Variants in VPS41 observed in about 807,000 individuals in gnomAD.
VPS41 encodes VPS41 subunit of HOPS complex.
In VPS41, 85 loss-of-function variants were observed where a neutral mutation model predicts 130.9. That is an observed-to-expected ratio of 0.65 (90% CI 0.55 to 0.78). The LOEUF is 0.78. Among genes scored for constraint, VPS41 ranks in the 30% least tolerant of loss-of-function variants. The pLI, the probability that VPS41 is intolerant of heterozygous loss-of-function variation, is 0.00. For missense variants in VPS41, 874 were observed against 1,018.7 expected (o/e 0.86, Z 1.93); for synonymous variants, 335 against 332.9 (o/e 1.01, Z -0.07).
intron 7 of VPS41, among the ~76,000 whole-genome samples, chr7:38,809,328 C>CAA (rs1784896958): frequency 6.9e-6 from 1 of 145,910 alleles, no homozygotes; most frequent in African/African-American, 2.5e-5. Context: ...ACTAAAAATA[C>CAA]AAAAATATAT....
intron 16 of VPS41, among the ~76,000 whole-genome samples, chr7:38,765,066 T>A (rs1222148669): frequency 6.6e-6 from 1 of 152,128 alleles, no homozygotes; most frequent in East Asian, 1.9e-4. Flanking sequence ...TACTGAAAAA[T>A]TTTTAAATGT....
chr7:38,884,166 T>G (rs1174547490), intron 2 of VPS41, among the ~76,000 whole-genome samples: 2 of 152,240 alleles, frequency 1.3e-5, no homozygotes, highest in Admixed American at 6.5e-5. Context: ...TAAATGACTT[T>G]TGTGTGATGC....
chr7:38,902,791 A>T (rs1787173505), intron 1 of VPS41, among the ~76,000 whole-genome samples: 1 of 152,114 alleles, frequency 6.6e-6, no homozygotes, highest in South Asian at 2.1e-4. Flanking sequence ...CCCCAGGGAG[A>T]GGTTGCCAGG....
intron 21 of VPS41, among the ~76,000 whole-genome samples, chr7:38,752,834 G>A (rs550422847): frequency 6.6e-6 from 1 of 152,292 alleles, no homozygotes; most frequent in East Asian, 1.9e-4. Flanking sequence ...AAAAACTCAA[G>A]TAGCGGGCAC....
In VPS41 at chr7:38,903,189, TTCCTTGGGC is replaced by T. The variant is rs935773494; in HGVS notation, c.22-5069_22-5061del. Among the ~76,000 whole-genome samples, 5 of 152,290 alleles carry T rather than the reference TTCCTTGGGC, an allele frequency of 3.3e-5. No individual in the cohort carries two copies. In the East Asian group the frequency reaches 9.7e-4, roughly 29 times the overall value. On this transcript the variant is annotated intron_variant, in intron 1 of 28. Transcript: ENST00000310301. Reference sequence around the variant, plus strand: ...CCAACAAATGCAGCAATTCCAACAATTCCTTGGGCTCCTAGAAGACTTCTCTCATACAGG... The same window carrying T: ...CCAACAAATGCAGCAATTCCAACAATTCCTAGAAGACTTCTCTCATACAGG...
chr7:38,861,077 A>T (rs1786100292), intron 4 of VPS41, among the ~76,000 whole-genome samples: 1 of 152,218 alleles, frequency 6.6e-6, no homozygotes, highest in Non-Finnish European at 1.5e-5. Context: ...TACCTGAAAG[A>T]GGATGGATGT....
At chr7:38,886,127 C>A (rs1208866861) in intron 2 of VPS41, among the ~76,000 whole-genome samples, 1 of 151,930 alleles carries the variant, frequency 6.6e-6, no homozygotes, top group African/African-American at 2.4e-5. Flanking sequence ...ACTGAGGTAC[C>A]TGGTTCATCT....
chr7:38,886,582 G>T (rs991552369), intron 2 of VPS41, among the ~76,000 whole-genome samples: 1 of 152,206 alleles, frequency 6.6e-6, no homozygotes, highest in Admixed American at 6.5e-5. Context: ...TTCCACCTCT[G>T]GGGGCAGGGT....
chr7:38,765,599 T>C lies in VPS41; in HGVS notation c.1310A>G (p.Lys437Arg). ...GCTTACCTTAAGCTGTCCAATTTCT[T>C]TAAATTTATAAACTTCATATTCCCA... Reference protein sequence around the residue: ...ALWEYEVYKFKEIGQLKAISP... With the variant: ...ALWEYEVYKFREIGQLKAISP... The change falls in exon 16 of 29, where the codon AAA becomes AGA. Residue 437 changes from lysine (K) to arginine (R), a missense_variant. By Grantham distance (26) the Lys-to-Arg change is conservative. Coordinates refer to ENST00000310301, the MANE Select transcript of VPS41 (RefSeq NM_014396.4). The C allele has an allele frequency of 6.3e-7, 1 of 1,599,610 alleles. No homozygotes were observed. The highest frequency in any genetic ancestry group is 8.5e-7 in the Non-Finnish European group (1 of 1,176,140).
At chr7:38,874,231 A>G (rs3801119) in intron 2 of VPS41, among the ~76,000 whole-genome samples, 39,131 of 152,166 alleles carry the variant, frequency 0.26, 6,455 homozygotes, top group Non-Finnish European at 0.38. Context: ...TGTGTGTCAC[A>G]TGAATTCTAG....
At chr7:38,734,063 T>C (rs1326945066) in intron 25 of VPS41, among the ~76,000 whole-genome samples, 1 of 152,226 alleles carries the variant, frequency 6.6e-6, no homozygotes, top group Admixed American at 6.5e-5. Flanking sequence ...TGCTCCAGCC[T>C]GGGCAACAAA....
In VPS41 at chr7:38,727,001, G is replaced by A. The variant is rs192722687; in HGVS notation, c.2405-13C>T. ...GGCTTAGCTGCATCTGGCGAGGAGGGCAGAGAAAGGAGGAGAACTTAATGC... is the reference window on the plus strand; with the variant it reads ...GGCTTAGCTGCATCTGGCGAGGAGGACAGAGAAAGGAGGAGAACTTAATGC... On this transcript the variant is annotated splice_polypyrimidine_tract_variant and intron_variant, in intron 27 of 28. Transcript: ENST00000310301. The A allele has an allele frequency of 3.0e-4, 458 of 1,525,934 alleles. 2 individuals carry two copies. The highest frequency in any genetic ancestry group is 2.1e-3 in the African/African-American group (151 of 70,748). 94.5% of individuals were successfully genotyped at this position (1,525,934 alleles called of 1,614,324 possible).
At chr7:38,728,377 G>A (rs1214169075) in intron 27 of VPS41, 165 bp downstream of exon 27, 5 of 801,924 alleles carry the variant, frequency 6.2e-6, no homozygotes, top group South Asian at 5.8e-5. Flanking sequence ...AGCAATGGCA[G>A]CACCAGCATT....
In VPS41 at chr7:38,756,976, G is replaced by A; in HGVS notation, c.1557C>T (p.Thr519=). The change falls in exon 19 of 29, where the codon ACC becomes ACT. Residue 519 remains threonine, a synonymous_variant. Coordinates refer to ENST00000310301, the MANE Select transcript of VPS41 (RefSeq NM_014396.4). ...GAGCATTGCCATAGTTCTTGTCATA[G>A]GTGTACCTGGTAATACAAATTTTTT... is the stretch of plus-strand genomic sequence containing the variant. ...TLLKTLAELY[T]YDKNYGNALE... is the part of the protein sequence containing the mutation. The A allele has an allele frequency of 6.3e-7, 1 of 1,586,954 alleles. No individual in the cohort carries two copies. The highest frequency in any genetic ancestry group is 8.6e-7 in the Non-Finnish European group (1 of 1,159,448).
At chr7:38,903,814 AG>A (rs1487033768) in intron 1 of VPS41, among the ~76,000 whole-genome samples, 1 of 152,170 alleles carries the variant, frequency 6.6e-6, no homozygotes, top group Non-Finnish European at 1.5e-5. Flanking sequence ...AGGCTGGTTG[AG>A]TAGTAAAGAT....
chr7:38,763,434 G>A (rs777070863), intron 17 of VPS41, 21 bp downstream of exon 17: 1 of 1,498,992 alleles, frequency 6.7e-7, no homozygotes, highest in Non-Finnish European at 9.1e-7. Context: ...AAGTAAATAT[G>A]ACCACATCAG....
At chr7:38,875,683 A>C (rs898252884) in intron 2 of VPS41, among the ~76,000 whole-genome samples, 4 of 152,208 alleles carry the variant, frequency 2.6e-5, no homozygotes, top group Non-Finnish European at 5.9e-5. Flanking sequence ...CTCAATGACC[A>C]AACTTTTTAA....
chr7:38,761,526 G>A (rs189871556), intron 17 of VPS41, among the ~76,000 whole-genome samples: 21 of 150,652 alleles, frequency 1.4e-4, no homozygotes, highest in African/African-American at 4.6e-4. Context: ...CTTGTGATCC[G>A]CCCGCCTCAG....
intron 1 of VPS41, among the ~76,000 whole-genome samples, chr7:38,906,938 G>A (rs776375527): frequency 6.7e-6 from 1 of 149,984 alleles, no homozygotes; most frequent in Admixed American, 6.6e-5. Flanking sequence ...ATTTCAATTT[G>A]TTTATCAGTA....
Sources: gnomAD v4.1 joint callset for allele counts (sites outside exome capture counted in the v4.1 genomes callset) on GRCh38, gnomAD v4.1.1 for gene constraint, MANE v1.5 for transcripts, NCBI Gene and HGNC (gene_info 2026-07-23, HGNC 2026-07-21) for gene names.